The following DMTF1 variants were observed in gnomAD, a reference collection of about 807,000 sequenced individuals.
DMTF1 encodes the protein cyclin-D-binding Myb-like transcription factor 1.
Under a neutral mutation model 91.1 loss-of-function variants are expected in DMTF1, and 39 were observed. That is an observed-to-expected ratio of 0.43 (90% confidence interval 0.33 to 0.56). The LOEUF (loss-of-function observed/expected upper bound fraction) is 0.56. Among genes scored for constraint, DMTF1 ranks in the 20% least tolerant of loss-of-function variants. The pLI, the probability that DMTF1 is intolerant of heterozygous loss-of-function variation, is 0.05. For synonymous variants in DMTF1, 338 were observed against 309.5 expected (o/e 1.09, Z -0.97); for missense variants, 750 against 914.5 (o/e 0.82, Z 2.32).
chr7:87,171,049 C>T lies in DMTF1; in HGVS notation c.287C>T (p.Ala96Val). Reference sequence around the variant, plus strand: ...ACCATGACTGCAACCACAGAAGTAGCAGATGATGAGGTTACTGAGGGGACT... The same window carrying T: ...ACCATGACTGCAACCACAGAAGTAGTAGATGATGAGGTTACTGAGGGGACT... ...EVTMTATTEV[A>V]DDEVTEGTVT... is the part of the protein sequence containing the mutation. Residue 96 changes from alanine to valine, a missense_variant, in exon 5 of 18, where the codon GCA becomes GTA. Physicochemically the swap from Ala to Val is moderately conservative, Grantham distance 64. Transcript: ENST00000331242. 6.2e-7 allele frequency: 1 copy of T among 1,612,144 alleles called. No homozygotes were observed. The highest frequency in any genetic ancestry group is 1.1e-5 in the South Asian group (1 of 90,954).
In DMTF1 at chr7:87,184,552, C is replaced by T; in HGVS notation, c.976C>T (p.Leu326Phe). ...RSEKQCRSKW[L>F]NYLNWKQSGG... ...AGAAAAGCAATGTCGTTCTAAATGGCTCAACTACCTGAATTGGAAACAGAG... is the reference window on the plus strand; with the variant it reads ...AGAAAAGCAATGTCGTTCTAAATGGTTCAACTACCTGAATTGGAAACAGAG... Residue 326 changes from leucine to phenylalanine, a missense_variant, in exon 11 of 18, where the codon CTC becomes TTC. Leu to Phe is a conservative substitution (Grantham distance 22, BLOSUM62 0). Coordinates refer to ENST00000331242, the MANE Select transcript of DMTF1 (RefSeq NM_001142327.2). 6.2e-7 allele frequency: 1 copy of T among 1,614,022 alleles called. No homozygotes were observed. Among genetic ancestry groups the T allele is most frequent in the Non-Finnish European group, 8.5e-7 (1 of 1,179,962 alleles).
intron 1 of DMTF1, among the ~76,000 whole-genome samples, chr7:87,160,617 T>A (rs1424976112): frequency 6.6e-6 from 1 of 152,138 alleles, no homozygotes. Context: ...CTGTACATAC[T>A]TCAGTAAGGC....
At chr7:87,178,592 CTT>C (rs1329706449) in intron 7 of DMTF1, among the ~76,000 whole-genome samples, 1 of 151,932 alleles carries the variant, frequency 6.6e-6, no homozygotes, top group Non-Finnish European at 1.5e-5. Flanking sequence ...GATAAACTCA[CTT>C]TTCTACGTGG....
chr7:87,176,489 G>T (rs987543392), intron 7 of DMTF1, among the ~76,000 whole-genome samples: 1 of 152,164 alleles, frequency 6.6e-6, no homozygotes, highest in African/African-American at 2.4e-5. Flanking sequence ...TGATTAATGG[G>T]CAGGAGTGTG....
At chr7:87,174,790 A>G (rs11976589) in intron 7 of DMTF1, 121 bp downstream of exon 7, 3 of 548,944 alleles carry the variant, frequency 5.5e-6, no homozygotes, top group African/African-American at 1.9e-5. Context: ...ATGGATTTTC[A>G]TAATGGCTAA....
intron 7 of DMTF1, among the ~76,000 whole-genome samples, chr7:87,175,850 G>C (rs1334506996): frequency 1.3e-5 from 2 of 152,134 alleles, no homozygotes; most frequent in African/African-American, 2.4e-5. Flanking sequence ...CAAAGAATTT[G>C]AACTTTATCC....
chr7:87,179,766 A>AT (rs1019880912), intron 8 of DMTF1, 64 bp downstream of exon 8: 42 of 1,429,908 alleles, frequency 2.9e-5, no homozygotes, highest in Admixed American at 7.6e-5. Context: ...GGAACTGTCC[A>AT]TTTTTTTAAA....
In DMTF1 at chr7:87,188,320, A is replaced by G. The variant is rs771242119; in HGVS notation, c.1411+19A>G. 3 of 1,612,358 alleles carry G rather than the reference A, an allele frequency of 1.9e-6. No homozygotes were observed. The highest frequency in any genetic ancestry group is 1.3e-5 in the African/African-American group (1 of 74,878). Reference sequence around the variant, plus strand: ...CATGTTTGTAAGTGTTTGATCTTCAAGATTCCTTGCTGTTTGATCTATATG... The same window carrying G: ...CATGTTTGTAAGTGTTTGATCTTCAGGATTCCTTGCTGTTTGATCTATATG... On this transcript the variant is annotated intron_variant, in intron 13 of 17. Transcript: ENST00000331242.
chr7:87,188,322 A>G, intron 13 of DMTF1, 21 bp downstream of exon 13: 1 of 1,612,344 alleles, frequency 6.2e-7, no homozygotes, highest in African/African-American at 1.3e-5. Context: ...GATCTTCAAG[A>G]TTCCTTGCTG....
At chr7:87,190,139 C>T (rs994696398) in intron 13 of DMTF1, among the ~76,000 whole-genome samples, 2 of 152,018 alleles carry the variant, frequency 1.3e-5, no homozygotes, top group Admixed American at 6.6e-5. Context: ...CTTGAGCAGA[C>T]GTTGATAAAG....
intron 7 of DMTF1, among the ~76,000 whole-genome samples, chr7:87,175,544 C>G (rs1236432565): frequency 6.6e-6 from 1 of 152,092 alleles, no homozygotes; most frequent in Non-Finnish European, 1.5e-5. Flanking sequence ...TTTGGGCAGA[C>G]TGGAAACAGG....
chr7:87,161,256 G>A (rs200045974), intron 1 of DMTF1, among the ~76,000 whole-genome samples: 3 of 152,174 alleles, frequency 2.0e-5, no homozygotes, highest in African/African-American at 7.2e-5. Flanking sequence ...CCAACACTTT[G>A]GGAGGCCGAG....
Position 87,194,664 on chromosome 7 carries a change from T to G in DMTF1, c.2029-20T>G. 6.4e-7 allele frequency: 1 copy of G among 1,571,798 alleles called. No homozygotes were observed. The highest frequency in any genetic ancestry group is 8.7e-7 in the Non-Finnish European group (1 of 1,146,080). ...ACTAGTAAGAATATGAGTCAATATT[T>G]TTTTTTTAATGTTATTTAGGGTTTA... On this transcript the variant is annotated intron_variant, in intron 16 of 17. Coordinates refer to ENST00000331242, the MANE Select transcript of DMTF1 (RefSeq NM_001142327.2).
chr7:87,159,801 G>T (rs1791779281), intron 1 of DMTF1, among the ~76,000 whole-genome samples: 1 of 152,210 alleles, frequency 6.6e-6, no homozygotes, highest in South Asian at 2.1e-4. Context: ...TTACTGTACT[G>T]AGTACAATGT....
At chr7:87,153,716 C>G (rs1263669920) in intron 1 of DMTF1, among the ~76,000 whole-genome samples, 1 of 152,142 alleles carries the variant, frequency 6.6e-6, no homozygotes, top group South Asian at 2.1e-4. Flanking sequence ...AATGCATATT[C>G]TGTGGAATTA....
intron 5 of DMTF1, among the ~76,000 whole-genome samples, chr7:87,173,056 T>C (rs1435183106): frequency 2.0e-5 from 3 of 152,220 alleles, no homozygotes; most frequent in African/African-American, 7.2e-5. Context: ...GATGACATTA[T>C]TGATGATTTA....
intron 1 of DMTF1, among the ~76,000 whole-genome samples, chr7:87,161,331 C>G (rs566082189): frequency 7.2e-5 from 11 of 152,102 alleles, no homozygotes; most frequent in African/African-American, 2.7e-4. Context: ...AACCCCATCT[C>G]TACTAAAAAA....
Position 87,188,078 on chromosome 7 carries a change from C to T in DMTF1, c.1202-14C>T. 1 of 1,606,416 alleles carries T rather than the reference C, an allele frequency of 6.2e-7. No homozygotes were observed. The highest frequency in any genetic ancestry group is 8.5e-7 in the Non-Finnish European group (1 of 1,173,404). On this transcript the variant is annotated splice_polypyrimidine_tract_variant and intron_variant, in intron 12 of 17. Transcript: ENST00000331242. Reference sequence around the variant, plus strand: ...GAGAATCAATGTTCTTTTTGTCTACCCATCTCCCTTCAGTCTTAATAAAAG... The same window carrying T: ...GAGAATCAATGTTCTTTTTGTCTACTCATCTCCCTTCAGTCTTAATAAAAG...
At position 87,179,694 on chromosome 7, in the gene DMTF1, T is replaced by C. The variant is rs1187110175; in HGVS notation, c.669T>C (p.His223=). The change falls in exon 8 of 18, where the codon CAT becomes CAC. Residue 223 remains histidine, a synonymous_variant. Coordinates refer to ENST00000331242, the MANE Select transcript of DMTF1 (RefSeq NM_001142327.2). ...RVLRMYDDRN[H]VGKYTPEEIE... Reference sequence around the variant, plus strand: ...TTCGCATGTATGATGACAGAAACCATGTGGGAAAGTATGAGAACTTGTAAT... The same window carrying C: ...TTCGCATGTATGATGACAGAAACCACGTGGGAAAGTATGAGAACTTGTAAT... 7.0e-6 allele frequency: 11 copies of C among 1,570,642 alleles called. No homozygotes were observed. Among genetic ancestry groups the C allele is most frequent in the African/African-American group, 1.4e-5 (1 of 71,974 alleles).
Sources: gnomAD v4.1 joint callset for allele counts (sites outside exome capture counted in the v4.1 genomes callset) on GRCh38, gnomAD v4.1.1 for gene constraint, MANE v1.5 for transcripts, NCBI Gene and HGNC (gene_info 2026-07-23, HGNC 2026-07-21) for gene names.